The following RARRES1 variants were observed in gnomAD, a reference collection of about 807,000 sequenced individuals.
RARRES1 encodes the protein retinoic acid receptor responder 1.
In RARRES1, 34 loss-of-function variants were observed where a neutral mutation model predicts 30.6. That is an observed-to-expected ratio of 1.11 (90% CI 0.84 to 1.48). The LOEUF (loss-of-function observed/expected upper bound fraction) is 1.48, where lower values mean the gene tolerates loss of function less well. Ranked by LOEUF, RARRES1 falls within the 40% of genes most tolerant of loss-of-function variation. The pLI, the probability that RARRES1 is intolerant of heterozygous loss-of-function variation, is 0.00. For missense variants in RARRES1, 373 were observed against 386.5 expected (o/e 0.97, Z 0.29); for synonymous variants, 153 against 155.5 (o/e 0.98, Z 0.12).
At chr3:158,716,804 G>C (rs912387707) in intron 1 of RARRES1, among the ~76,000 whole-genome samples, 1 of 152,050 alleles carries the variant, frequency 6.6e-6, no homozygotes, top group Non-Finnish European at 1.5e-5. Context: ...GGCTGGTTTC[G>C]AACTCCTCAG....
chr3:158,711,600 C>CT (rs1175463184), intron 2 of RARRES1, among the ~76,000 whole-genome samples: 5,983 of 121,284 alleles, frequency 0.049, 329 homozygotes, highest in African/African-American at 0.13. Context: ...TTGCATTCAT[C>CT]TTTTTTTTTT....
chr3:158,699,875 TG>T (rs1370587220), intron 4 of RARRES1, among the ~76,000 whole-genome samples: 1 of 152,162 alleles, frequency 6.6e-6, no homozygotes, highest in East Asian at 1.9e-4. Context: ...TTTGAGGGTG[TG>T]TTTAGCCTTG....
chr3:158,730,365 CTCCTTCCT>C (rs61461024), intron 1 of RARRES1, among the ~76,000 whole-genome samples: 3,483 of 120,206 alleles, frequency 0.029, 77 homozygotes, highest in Admixed American at 0.032. Flanking sequence ...GAATAGGTTG[CTCCTTCCT>C]TCCTTCCTTC....
chr3:158,713,715 A>T (rs1347701892), intron 2 of RARRES1, 82 bp downstream of exon 2: 1 of 1,323,254 alleles, frequency 7.6e-7, no homozygotes, highest in East Asian at 2.3e-5. Context: ...CCAGATCACT[A>T]TATATTAAGA....
chr3:158,730,371 CCTTCCT>C (rs1559876986), intron 1 of RARRES1, among the ~76,000 whole-genome samples: 112 of 53,674 alleles, frequency 2.1e-3, no homozygotes, highest in African/African-American at 8.1e-3. Flanking sequence ...GTTGCTCCTT[CCTTCCT>C]TCCTTCCTTC....
intron 1 of RARRES1, among the ~76,000 whole-genome samples, chr3:158,730,611 TTTTTAA>T (rs1351920037): frequency 5.3e-5 from 8 of 151,000 alleles, no homozygotes; most frequent in African/African-American, 1.7e-4. Flanking sequence ...TTTTTTTTAA[TTTTTAA>T]TTTTTTTTAT....
At chr3:158,719,432 C>T (rs954183549) in intron 1 of RARRES1, among the ~76,000 whole-genome samples, 5 of 151,934 alleles carry the variant, frequency 3.3e-5, no homozygotes, top group Admixed American at 6.6e-5. Context: ...CCACCACACC[C>T]GGCTAATTTT....
At chr3:158,720,262 G>A (rs931885333) in intron 1 of RARRES1, among the ~76,000 whole-genome samples, 1 of 145,066 alleles carries the variant, frequency 6.9e-6, no homozygotes, top group African/African-American at 2.7e-5. Context: ...GTGTGTGTGT[G>A]TGTATGTGTG....
intron 3 of RARRES1, among the ~76,000 whole-genome samples, chr3:158,709,126 C>G (rs1727029746): frequency 6.6e-6 from 1 of 152,090 alleles, no homozygotes; most frequent in Non-Finnish European, 1.5e-5. Context: ...AAGTTGCCCT[C>G]TATTAAAGAA....
chr3:158,709,466 C>T (rs1216274317), intron 3 of RARRES1, among the ~76,000 whole-genome samples: 1 of 152,166 alleles, frequency 6.6e-6, no homozygotes, highest in East Asian at 1.9e-4. Context: ...ATTTTAATTG[C>T]TCCCCTTGAT....
intron 1 of RARRES1, among the ~76,000 whole-genome samples, chr3:158,730,951 T>G (rs1379559129): frequency 1.3e-5 from 2 of 151,910 alleles, no homozygotes; most frequent in Non-Finnish European, 2.9e-5. Context: ...ACCCAGCTAA[T>G]TTTGTATTTT....
chr3:158,697,986 AGAGT>A lies in RARRES1; in HGVS notation c.673-20_673-17del. ...CATTAGTTTTCTAGAGGGAGAAAAA[AGAGT>A]TAGTGTAATAAATATGGTGGTATTT... On this transcript the variant is annotated splice_polypyrimidine_tract_variant and intron_variant, in intron 4 of 5. Transcript: ENST00000237696. 1.4e-6 allele frequency: 2 copies of A among 1,469,470 alleles called. No homozygotes were observed. Among genetic ancestry groups the A allele is most frequent in the Non-Finnish European group, 1.9e-6 (2 of 1,057,724 alleles). 91.0% of individuals were successfully genotyped at this position (1,469,470 alleles called of 1,614,324 possible). A position where few individuals can be genotyped will look rare whatever the true frequency, so the allele number is the denominator to read the frequency against.
chr3:158,708,879 G>A (rs779585643), intron 3 of RARRES1, among the ~76,000 whole-genome samples: 1 of 152,070 alleles, frequency 6.6e-6, no homozygotes, highest in Non-Finnish European at 1.5e-5. Context: ...GGATGGTCTC[G>A]ATCTCCTGAC....
intron 1 of RARRES1, among the ~76,000 whole-genome samples, chr3:158,726,517 C>G (rs1218114270): frequency 6.6e-6 from 1 of 152,186 alleles, no homozygotes; most frequent in African/African-American, 2.4e-5. Flanking sequence ...CCCAAACTTG[C>G]ATATATCAGA....
chr3:158,708,241 A>G (rs1726990309), intron 3 of RARRES1, among the ~76,000 whole-genome samples: 1 of 152,120 alleles, frequency 6.6e-6, no homozygotes, highest in African/African-American at 2.4e-5. Context: ...TTGACTGAAA[A>G]CTTCCTTGAT....
intron 3 of RARRES1, among the ~76,000 whole-genome samples, chr3:158,705,265 C>A (rs1461857277): frequency 6.6e-6 from 1 of 152,144 alleles, no homozygotes; most frequent in East Asian, 1.9e-4. Context: ...ACTGCCACCA[C>A]CCTTCAGGCC....
chr3:158,704,982 C>A, intron 3 of RARRES1, 55 bp from the exon 4 acceptor site: 1 of 1,569,830 alleles, frequency 6.4e-7, no homozygotes, highest in Non-Finnish European at 8.6e-7. Context: ...GACAAAATCT[C>A]AGAAGTTGCA....
At chr3:158,708,847 TG>T (rs1727017669) in intron 3 of RARRES1, among the ~76,000 whole-genome samples, 2 of 152,056 alleles carry the variant, frequency 1.3e-5, no homozygotes, top group Admixed American at 1.3e-4. Context: ...TCAGTAGAGA[TG>T]GGGTTTCACC....
At chr3:158,722,021 G>A (rs1418126646) in intron 1 of RARRES1, among the ~76,000 whole-genome samples, 5 of 144,506 alleles carry the variant, frequency 3.5e-5, no homozygotes, top group Non-Finnish European at 7.5e-5. Flanking sequence ...AATCCAGGAG[G>A]TGGAGTTTGC....
Sources: gnomAD v4.1 joint callset for allele counts (sites outside exome capture counted in the v4.1 genomes callset) on GRCh38, gnomAD v4.1.1 for gene constraint, MANE v1.5 for transcripts, NCBI Gene and HGNC (gene_info 2026-07-23, HGNC 2026-07-21) for gene names.